Variants in BICD1 observed in about 807,000 individuals in gnomAD.
The protein encoded by BICD1 is protein bicaudal D homolog 1.
In BICD1, 35 loss-of-function variants were observed where a neutral mutation model predicts 92.5. That is an observed-to-expected ratio of 0.38 (90% CI 0.29 to 0.50). BICD1 has a LOEUF of 0.50. Ranked by LOEUF, BICD1 falls within the 20% of genes least tolerant of loss-of-function variation. The pLI is 0.93. For missense variants in BICD1, 950 were observed against 1,189.8 expected, an observed-to-expected ratio of 0.80 and a Z score of 2.97; for synonymous variants, 429 against 465.1, an observed-to-expected ratio of 0.92 and a Z score of 1.00.
rs1244173114 is a variant in BICD1, at chr12:32,337,445, C to G, written c.2253-54C>G. 3.5e-5 allele frequency: 53 copies of G among 1,532,484 alleles called. No homozygotes were observed. The highest frequency in any genetic ancestry group is 1.9e-4 in the South Asian group (16 of 82,216). 94.9% of individuals were successfully genotyped at this position (1,532,484 alleles called of 1,614,324 possible). ...ATTTATTACTTTTCAGCTTAACTCC[C>G]AAATTCAGTTTCACCAAGATTTTCC... On this transcript the variant is annotated intron_variant, in intron 6 of 9. Transcript: ENST00000652176. This position sits in a 1 kb window ranked among gnomAD's most constrained non-coding sequence, Gnocchi z 4.7.
At chr12:32,374,910 CTTTTTTTTTT>C (rs1185628924) in intron 9 of BICD1, among the ~76,000 whole-genome samples, 11 of 49,604 alleles carry the variant, frequency 2.2e-4, no homozygotes, top group Non-Finnish European at 3.1e-4. Flanking sequence ...ATTTATTTTC[CTTTTTTTTTT>C]TTTTTTTTTT....
chr12:32,316,083 C>T (rs2136235453), intron 4 of BICD1, among the ~76,000 whole-genome samples: 1 of 149,854 alleles, frequency 6.7e-6, no homozygotes, highest in South Asian at 2.1e-4. Flanking sequence ...TTGCAGTGAT[C>T]TGAGATTGTG....
At chr12:32,122,256 C>T (rs899310245) in intron 1 of BICD1, among the ~76,000 whole-genome samples, 2 of 151,508 alleles carry the variant, frequency 1.3e-5, no homozygotes, top group African/African-American at 4.8e-5. Context: ...ACCATCCTAA[C>T]ACAGATCGAG....
At chr12:32,120,195 G>T (rs1207732839) in intron 1 of BICD1, among the ~76,000 whole-genome samples, 3 of 151,924 alleles carry the variant, frequency 2.0e-5, no homozygotes, top group Admixed American at 6.6e-5. Flanking sequence ...TTTTTTGAGG[G>T]ATTGATCTCT....
intron 2 of BICD1, among the ~76,000 whole-genome samples, chr12:32,232,116 C>G (rs1023682099): frequency 2.6e-4 from 39 of 151,348 alleles, no homozygotes; most frequent in African/African-American, 8.7e-4. Context: ...AATGGGATGG[C>G]TGGGTCAAAT....
intron 1 of BICD1, among the ~76,000 whole-genome samples, chr12:32,192,430 T>TTAAATAAATAAATAAA (rs369679034): frequency 1.4e-5 from 2 of 139,220 alleles, no homozygotes; most frequent in South Asian, 2.3e-4. Flanking sequence ...CGAGACTCTG[T>TTAAATAAATAAATAAA]TAAATAAATA....
chr12:32,119,594 G>T (rs957893654), intron 1 of BICD1, among the ~76,000 whole-genome samples: 1 of 152,064 alleles, frequency 6.6e-6, no homozygotes, highest in Non-Finnish European at 1.5e-5. Flanking sequence ...ATCTAGTTCC[G>T]GGTGCAGTGG....
Position 32,312,183 on chromosome 12 carries a change from T to C in BICD1, c.1005+6061T>C, listed in dbSNP as rs1357447678. Among the ~76,000 whole-genome samples, 7 of 147,006 alleles carry C rather than the reference T, an allele frequency of 4.8e-5. No homozygotes were observed. The East Asian group carries it at 1.4e-3, about 28-fold the overall frequency. ...CCACCATTTGTCTCTGCCATGCCTT[T>C]GTTGGAACTATGGAAAAAACAAAAC... is the stretch of plus-strand genomic sequence containing the variant. On this transcript the variant is annotated intron_variant, in intron 4 of 9. Coordinates refer to ENST00000652176, the MANE Select transcript of BICD1 (RefSeq NM_001714.4).
At chr12:32,149,773 A>G (rs1387508788) in intron 1 of BICD1, among the ~76,000 whole-genome samples, 1 of 152,222 alleles carries the variant, frequency 6.6e-6, no homozygotes, top group East Asian at 1.9e-4. Flanking sequence ...TGCTTCACAG[A>G]TGGTGCCTTC....
intron 9 of BICD1, among the ~76,000 whole-genome samples, chr12:32,368,247 G>A (rs1355559484): frequency 6.6e-6 from 1 of 152,080 alleles, no homozygotes; most frequent in African/African-American, 2.4e-5. Flanking sequence ...TAAAATCCCC[G>A]CTACTCAGGA....
At chr12:32,191,128 C>T (rs1221498861) in intron 1 of BICD1, among the ~76,000 whole-genome samples, 1 of 152,028 alleles carries the variant, frequency 6.6e-6, no homozygotes, top group Admixed American at 6.6e-5. Context: ...GGCCTACATT[C>T]GGAAGAAAGA....
intron 9 of BICD1, among the ~76,000 whole-genome samples, chr12:32,375,018 A>C (rs917327657): frequency 7.7e-6 from 1 of 130,166 alleles, no homozygotes; most frequent in Admixed American, 9.8e-5. Flanking sequence ...TCCCGGGTTC[A>C]CGCCATTCTC....
intron 8 of BICD1, among the ~76,000 whole-genome samples, chr12:32,358,213 G>A (rs940940283): frequency 6.6e-6 from 1 of 151,900 alleles, no homozygotes; most frequent in Non-Finnish European, 1.5e-5. Flanking sequence ...GAGTTCTCAT[G>A]GCTCAGCTTC....
At chr12:32,307,749 G>A (rs1201338130) in intron 4 of BICD1, among the ~76,000 whole-genome samples, 1 of 152,184 alleles carries the variant, frequency 6.6e-6, no homozygotes, top group African/African-American at 2.4e-5. Flanking sequence ...TTTTTGCTCA[G>A]TTTACACTAA....
intron 2 of BICD1, among the ~76,000 whole-genome samples, chr12:32,236,761 C>T (rs1302791070): frequency 6.6e-6 from 1 of 151,374 alleles, no homozygotes. Flanking sequence ...CTGTTGAACA[C>T]ACAAATGATA....
In BICD1 at chr12:32,212,159, C is replaced by T. The variant is rs140778791; in HGVS notation, c.214-4088C>T. 4.3e-4 allele frequency among the ~76,000 whole-genome samples: 66 copies of T among 152,244 alleles called. No homozygotes were observed. The East Asian group carries it at 0.01, about 24-fold the overall frequency. On this transcript the variant is annotated intron_variant, in intron 1 of 9. Coordinates refer to ENST00000652176, the MANE Select transcript of BICD1 (RefSeq NM_001714.4). ...TAGGGACCATCTTTTGATTTTGATC[C>T]GTGTCAAGATTCTAAGGCAGTTTAA... is the stretch of plus-strand genomic sequence containing the variant.
chr12:32,216,114 C>A, intron 1 of BICD1, 133 bp from the exon 2 acceptor site: 1 of 714,712 alleles, frequency 1.4e-6, no homozygotes, highest in Non-Finnish European at 2.3e-6. Context: ...AGCTGCTAGA[C>A]TGTTATATTT....
intron 4 of BICD1, among the ~76,000 whole-genome samples, chr12:32,309,440 A>G (rs1948319054): frequency 6.6e-6 from 1 of 152,160 alleles, no homozygotes; most frequent in East Asian, 1.9e-4. Context: ...AGATTGTGAT[A>G]TCTCCACTGG....
chr12:32,286,495 C>T (rs1947571652), intron 2 of BICD1, among the ~76,000 whole-genome samples: 1 of 151,936 alleles, frequency 6.6e-6, no homozygotes, highest in South Asian at 2.1e-4. Context: ...ACTTTATAGC[C>T]AAATTAGGGG....
Sources: gnomAD v4.1 joint callset for allele counts (sites outside exome capture counted in the v4.1 genomes callset) on GRCh38, gnomAD v4.1.1 for gene constraint, Gnocchi (gnomAD v3.1) non-coding constraint, MANE v1.5 for transcripts, NCBI Gene and HGNC (gene_info 2026-07-23, HGNC 2026-07-21) for gene names.